The following TTLL11 variants were observed in gnomAD, a reference collection of about 807,000 sequenced individuals.
TTLL11 encodes the protein tubulin polyglutamylase TTLL11.
TTLL11 carries 42 observed loss-of-function variants against 51.7 expected under a neutral mutation model. That is an observed-to-expected ratio of 0.81 (90% confidence interval 0.64 to 1.05). The LOEUF is 1.05. Among genes scored for constraint, TTLL11 ranks in the 50% least tolerant of loss-of-function variants. The probability of loss-of-function intolerance (pLI) is 0.00; values close to 1 mark genes in which losing one functional copy is unlikely to be tolerated. For synonymous variants in TTLL11, 381 were observed against 383.5 expected, an observed-to-expected ratio of 0.99 and a Z score of 0.08; for missense variants, 799 against 940.4, an observed-to-expected ratio of 0.85 and a Z score of 1.97.
At chr9:121,838,758 GAGAAAGCAAGCAAGCAAGCA>G (rs1429804179) in intron 8 of TTLL11, among the ~76,000 whole-genome samples, 3,080 of 90,678 alleles carry the variant, frequency 0.034, 104 homozygotes, top group African/African-American at 0.086. Context: ...GAAAGAAAGA[GAGAAAGCAAGCAAGCAAGCA>G]AGAAAGCAAG....
At chr9:121,948,736 G>C (rs761428698) in intron 6 of TTLL11, among the ~76,000 whole-genome samples, 4 of 152,214 alleles carry the variant, frequency 2.6e-5, no homozygotes, top group Non-Finnish European at 5.9e-5. Context: ...CCTAACTCTA[G>C]CTGCCAAGCA....
chr9:121,967,858 G>A (rs1428925138), intron 6 of TTLL11, among the ~76,000 whole-genome samples: 2 of 152,112 alleles, frequency 1.3e-5, no homozygotes, highest in East Asian at 3.8e-4. Flanking sequence ...GGTGAACTTC[G>A]AAAATATTAT....
rs11432235 is a variant in TTLL11 at position 122,089,016 on chromosome 9, C to CAAAA, written c.462+3667_462+3670dup. 3.4e-4 allele frequency among the ~76,000 whole-genome samples: 31 copies of CAAAA among 91,910 alleles called. 1 individual carries two copies. Among genetic ancestry groups the CAAAA allele is most frequent in the South Asian group, 1.2e-3 (3 of 2,462 alleles). 60.3% of individuals were successfully genotyped at this position (91,910 alleles called of 152,430 possible). ...TGGATGACAGAACGACACCCTGTCT[C>CAAAA]AAAAAAAAAAAAAAAAAAAGTGAAA... On this transcript the variant is annotated intron_variant, in intron 1 of 8. Coordinates refer to ENST00000321582, the MANE Select transcript of TTLL11 (RefSeq NM_001139442.2).
At chr9:121,834,187 C>A (rs113876865) in intron 8 of TTLL11, among the ~76,000 whole-genome samples, 3 of 152,288 alleles carry the variant, frequency 2.0e-5, no homozygotes, top group East Asian at 1.9e-4. Context: ...AGCCTTCTCT[C>A]CATTCTTAGG....
intron 3 of TTLL11, among the ~76,000 whole-genome samples, chr9:121,992,844 C>A (rs548812409): frequency 6.6e-6 from 1 of 152,224 alleles, no homozygotes; most frequent in South Asian, 2.1e-4. Context: ...GGAAAGTCAC[C>A]CCGTTCAAAA....
At chr9:121,893,744 C>T (rs528594765) in intron 6 of TTLL11, among the ~76,000 whole-genome samples, 4 of 152,254 alleles carry the variant, frequency 2.6e-5, no homozygotes, top group Non-Finnish European at 5.9e-5. Context: ...ATCCCACTTA[C>T]GTCTACTCAA....
At chr9:121,844,279 GA>G (rs139311894) in intron 8 of TTLL11, among the ~76,000 whole-genome samples, 5,081 of 151,816 alleles carry the variant, frequency 0.033, 255 homozygotes, top group African/African-American at 0.11. Flanking sequence ...AAGGAAATAC[GA>G]AGGCAATAGG....
chr9:121,891,696 A>G (rs1203101500), intron 6 of TTLL11, among the ~76,000 whole-genome samples: 4 of 152,212 alleles, frequency 2.6e-5, no homozygotes, highest in East Asian at 1.9e-4. Context: ...TCAAGGACCA[A>G]CTGTGCTGAT....
chr9:121,952,997 G>C (rs1384696074), intron 6 of TTLL11, among the ~76,000 whole-genome samples: 1 of 152,170 alleles, frequency 6.6e-6, no homozygotes, highest in Non-Finnish European at 1.5e-5. Flanking sequence ...CTCCTTCAAA[G>C]ATTCTAATGA....
At chr9:121,832,740 G>A (rs928751147) in intron 8 of TTLL11, among the ~76,000 whole-genome samples, 3 of 152,146 alleles carry the variant, frequency 2.0e-5, no homozygotes, top group Admixed American at 2.0e-4. Context: ...AGGAGTTCGA[G>A]ACCAGCCTGA....
chr9:121,917,901 C>T (rs1484834296), intron 6 of TTLL11, among the ~76,000 whole-genome samples: 1 of 152,124 alleles, frequency 6.6e-6, no homozygotes, highest in Non-Finnish European at 1.5e-5. Flanking sequence ...GCATGTGATT[C>T]CACTTTAGGC....
intron 1 of TTLL11, among the ~76,000 whole-genome samples, chr9:122,051,522 GC>G (rs1273025265): frequency 6.6e-6 from 1 of 152,140 alleles, no homozygotes; most frequent in East Asian, 1.9e-4. Context: ...GATACTGCCT[GC>G]TTGTTGCTCA....
At chr9:121,913,940 G>T (rs1774708368) in intron 6 of TTLL11, among the ~76,000 whole-genome samples, 1 of 152,160 alleles carries the variant, frequency 6.6e-6, no homozygotes, top group Non-Finnish European at 1.5e-5. Context: ...TACAGGCCAG[G>T]GTTCTGCTAG....
chr9:122,056,774 C>A (rs1197179893), intron 1 of TTLL11, among the ~76,000 whole-genome samples: 1 of 152,230 alleles, frequency 6.6e-6, no homozygotes, highest in Non-Finnish European at 1.5e-5. Flanking sequence ...ATGTCTATGT[C>A]AAGCCTCACC....
At chr9:121,922,760 AGTGT>A (rs71370699) in intron 6 of TTLL11, among the ~76,000 whole-genome samples, 199 of 148,318 alleles carry the variant, frequency 1.3e-3, no homozygotes, top group African/African-American at 4.2e-3. Context: ...ATATCTATTC[AGTGT>A]GTGTGTGTGT....
intron 6 of TTLL11, among the ~76,000 whole-genome samples, chr9:121,934,276 C>A (rs1841110561): frequency 8.0e-6 from 1 of 124,646 alleles, no homozygotes; most frequent in Admixed American, 8.0e-5. Context: ...ATCCATTCGT[C>A]CATCTTGCGC....
At chr9:121,923,887 T>C (rs575652031) in intron 6 of TTLL11, among the ~76,000 whole-genome samples, 1 of 152,324 alleles carries the variant, frequency 6.6e-6, no homozygotes, top group East Asian at 1.9e-4. Flanking sequence ...AAATTTCATC[T>C]TGAGTTGTAG....
intron 6 of TTLL11, among the ~76,000 whole-genome samples, chr9:121,873,005 A>AG (rs1183972180): frequency 1.3e-5 from 2 of 152,248 alleles, no homozygotes; most frequent in Non-Finnish European, 2.9e-5. Context: ...AAGAAAGATG[A>AG]GAAAAAAGGC....
At position 121,974,886 on chromosome 9, in the gene TTLL11, C is replaced by G. The variant is rs1238398379; in HGVS notation, c.1363G>C (p.Glu455Gln). 6.5e-7 allele frequency: 1 copy of G among 1,544,862 alleles called. No homozygotes were observed. Residue 455 changes from glutamate to glutamine, a missense_variant and splice_region_variant, in exon 5 of 9, where the codon GAA (glutamate) becomes CAA (glutamine). Physicochemically the swap from Glu to Gln is conservative, Grantham distance 29 (BLOSUM62 2). Coordinates refer to ENST00000321582, the MANE Select transcript of TTLL11 (RefSeq NM_001139442.2). ...NPSMRIEHEHELSPGVFENVP... is the reference protein window; with the variant it reads ...NPSMRIEHEHQLSPGVFENVP... ...AATGAGATGCTCAAAATACTTACTT[C>G]GTGCTCATGTTCGATTCTCATACTG...
Sources: gnomAD v4.1 joint callset for allele counts (sites outside exome capture counted in the v4.1 genomes callset) on GRCh38, gnomAD v4.1.1 for gene constraint, MANE v1.5 for transcripts, NCBI Gene and HGNC (gene_info 2026-07-23, HGNC 2026-07-21) for gene names.